CNTN4: variants seen among roughly 807,000 people sequenced by gnomAD.
The protein encoded by CNTN4 is contactin 4.
In CNTN4, 77 loss-of-function variants were observed where a neutral mutation model predicts 122.5. The ratio of observed to expected loss-of-function variants is 0.63; its 90% CI spans 0.52 to 0.76. The LOEUF (loss-of-function observed/expected upper bound fraction) is 0.76. Among genes scored for constraint, CNTN4 ranks in the 30% least tolerant of loss-of-function variants. The probability of loss-of-function intolerance (pLI) is 0.00; values close to 1 mark genes in which losing one functional copy is unlikely to be tolerated. For synonymous variants in CNTN4, 512 were observed against 447.0 expected (o/e 1.15, Z -1.83); for missense variants, 1,256 against 1,259.1 (o/e 1.00, Z 0.04).
chr3:2,998,752 G>C (rs1695768713), intron 14 of CNTN4, among the ~76,000 whole-genome samples: 1 of 152,114 alleles, frequency 6.6e-6, no homozygotes, highest in Non-Finnish European at 1.5e-5. Context: ...GAAAAGTGAG[G>C]GGAACACACC....
At chr3:2,106,978 A>G (rs909762161) in intron 2 of CNTN4, among the ~76,000 whole-genome samples, 5 of 152,210 alleles carry the variant, frequency 3.3e-5, no homozygotes, top group Non-Finnish European at 7.3e-5. Flanking sequence ...TCAGTTCTCG[A>G]TAAGTTCCTC....
chr3:2,781,533 T>C (rs538368820), intron 6 of CNTN4, among the ~76,000 whole-genome samples: 1 of 152,202 alleles, frequency 6.6e-6, no homozygotes, highest in South Asian at 2.1e-4. Context: ...TAGGTGACTA[T>C]GGCCTGTGAC....
intron 4 of CNTN4, among the ~76,000 whole-genome samples, chr3:2,587,489 A>G (rs1290051780): frequency 6.6e-6 from 1 of 152,224 alleles, no homozygotes; most frequent in East Asian, 1.9e-4. Context: ...TTAGTTCTTC[A>G]GCAGGGTTCT....
At chr3:2,779,439 T>A (rs1393291401) in intron 6 of CNTN4, among the ~76,000 whole-genome samples, 2 of 152,210 alleles carry the variant, frequency 1.3e-5, no homozygotes, top group Admixed American at 6.5e-5. Flanking sequence ...GCTCAAGCAA[T>A]CTTCCTGCCT....
At chr3:2,488,151 C>T (rs1254722458) in intron 3 of CNTN4, among the ~76,000 whole-genome samples, 1 of 152,188 alleles carries the variant, frequency 6.6e-6, no homozygotes, top group Non-Finnish European at 1.5e-5. Context: ...CCTTCAAATA[C>T]AACTACTGGT....
intron 3 of CNTN4, among the ~76,000 whole-genome samples, chr3:2,543,113 C>T (rs1260592465): frequency 6.6e-6 from 1 of 152,046 alleles, no homozygotes; most frequent in African/African-American, 2.4e-5. Flanking sequence ...CTCTGGGAAA[C>T]CTATATTTTG....
At chr3:2,131,966 G>A (rs866284643) in intron 2 of CNTN4, among the ~76,000 whole-genome samples, 3 of 152,142 alleles carry the variant, frequency 2.0e-5, no homozygotes, top group Non-Finnish European at 2.9e-5. Flanking sequence ...CATACCCTAT[G>A]TGTTCATATT....
chr3:2,389,862 T>C (rs1604553), intron 3 of CNTN4, among the ~76,000 whole-genome samples: 15,881 of 152,180 alleles, frequency 0.1, 1,713 homozygotes, highest in East Asian at 0.58. Context: ...TGAGGAAACA[T>C]CACACAAAGC....
chr3:2,670,733 G>T (rs536938618), intron 4 of CNTN4, among the ~76,000 whole-genome samples: 3 of 152,116 alleles, frequency 2.0e-5, no homozygotes, highest in Non-Finnish European at 4.4e-5. Flanking sequence ...GGCTGGTACC[G>T]GTTGTTCCTT....
At chr3:2,333,199 A>AT (rs978395002) in intron 2 of CNTN4, among the ~76,000 whole-genome samples, 1 of 152,184 alleles carries the variant, frequency 6.6e-6, no homozygotes, top group Non-Finnish European at 1.5e-5. Flanking sequence ...AGATTCATAG[A>AT]TCCCTAGGCT....
At chr3:2,212,886 C>A (rs1162131895) in intron 2 of CNTN4, among the ~76,000 whole-genome samples, 1 of 152,136 alleles carries the variant, frequency 6.6e-6, no homozygotes, top group Non-Finnish European at 1.5e-5. Flanking sequence ...AGATTTTTGA[C>A]TGAAAATAAT....
At chr3:2,844,706 A>G (rs765605821) in intron 7 of CNTN4, among the ~76,000 whole-genome samples, 1 of 152,240 alleles carries the variant, frequency 6.6e-6, no homozygotes, top group Non-Finnish European at 1.5e-5. Context: ...TATAGGAAGC[A>G]TATGTAGAGA....
At position 2,887,044 on chromosome 3, in the gene CNTN4, G is replaced by A. The variant is rs1407671346; in HGVS notation, c.760G>A (p.Val254Ile). Residue 254 changes from valine to isoleucine, a missense_variant, in exon 10 of 25, where the codon GTA becomes ATA. Val to Ile is a conservative substitution (Grantham distance 29, BLOSUM62 3). Transcript: ENST00000418658. ...CCTTTTTATTCTTGCTATCAGTCCAGTACCAACTATTATCTGGCGAAGAGC... is the reference window on the plus strand; with the variant it reads ...CCTTTTTATTCTTGCTATCAGTCCAATACCAACTATTATCTGGCGAAGAGC... ...KLECFALGNPVPTIIWRRADG... is the reference protein window; with the variant it reads ...KLECFALGNPIPTIIWRRADG... The A allele has an allele frequency of 1.2e-6, 2 of 1,613,556 alleles. No individual in the cohort carries two copies. Among genetic ancestry groups the A allele is most frequent in the African/African-American group, 1.3e-5 (1 of 75,014 alleles).
At chr3:2,531,970 C>T (rs1335060131) in intron 3 of CNTN4, among the ~76,000 whole-genome samples, 2 of 152,164 alleles carry the variant, frequency 1.3e-5, no homozygotes, top group Non-Finnish European at 2.9e-5. Context: ...ACTGAGCCAG[C>T]ATTACAGTGC....
intron 2 of CNTN4, among the ~76,000 whole-genome samples, chr3:2,139,724 C>T (rs1023684072): frequency 1.3e-5 from 2 of 152,130 alleles, no homozygotes; most frequent in Non-Finnish European, 2.9e-5. Flanking sequence ...CTGGATGTTT[C>T]CAGAACCAAG....
At chr3:2,106,590 C>T (rs1015315538) in intron 2 of CNTN4, among the ~76,000 whole-genome samples, 2 of 152,166 alleles carry the variant, frequency 1.3e-5, no homozygotes, top group African/African-American at 4.8e-5. Context: ...GCACCAAGTC[C>T]CTAGGCTGTA....
intron 2 of CNTN4, among the ~76,000 whole-genome samples, chr3:2,298,310 A>G (rs2042385884): frequency 1.3e-5 from 2 of 152,084 alleles, no homozygotes; most frequent in Admixed American, 1.3e-4. Flanking sequence ...TAACAGGCTT[A>G]TTTTCACACC....
intron 3 of CNTN4, among the ~76,000 whole-genome samples, chr3:2,366,245 C>T (rs775368355): frequency 5.9e-5 from 9 of 152,218 alleles, no homozygotes; most frequent in Non-Finnish European, 1.0e-4. Flanking sequence ...TACATTTTCA[C>T]GTTTTAATTA....
intron 4 of CNTN4, among the ~76,000 whole-genome samples, chr3:2,658,965 GACACAC>G (rs67168398): frequency 0.27 from 37,168 of 139,538 alleles, 4,812 homozygotes; most frequent in South Asian, 0.47. Flanking sequence ...CACACAAACA[GACACAC>G]ACACACACAC....
Sources: allele counts gnomAD v4.1 joint callset (sites outside exome capture counted in the v4.1 genomes callset), GRCh38; gene constraint gnomAD v4.1.1; transcripts MANE v1.5; gene names NCBI Gene and HGNC (gene_info 2026-07-23, HGNC 2026-07-21).